MAP3K13: variants seen among roughly 807,000 people sequenced by gnomAD.
The protein encoded by MAP3K13 is mitogen-activated protein kinase kinase kinase 13.
Under a neutral mutation model 104.0 loss-of-function variants are expected in MAP3K13, and 52 were observed. That is an observed-to-expected ratio of 0.50 (90% CI 0.40 to 0.63). The LOEUF is 0.63. Among genes scored for constraint, MAP3K13 ranks in the 20% least tolerant of loss-of-function variants. The pLI, the probability that MAP3K13 is intolerant of heterozygous loss-of-function variation, is 0.00. For synonymous variants in MAP3K13, 394 were observed against 442.2 expected (o/e 0.89, Z 1.37); for missense variants, 914 against 1,218.5 (o/e 0.75, Z 3.72).
intron 2 of MAP3K13, among the ~76,000 whole-genome samples, chr3:185,435,197 A>C (rs1243079244): frequency 2.0e-5 from 3 of 149,294 alleles, no homozygotes; most frequent in African/African-American, 5.0e-5. Flanking sequence ...TTTTTAATAG[A>C]GACGGGGTTT....
intron 7 of MAP3K13, among the ~76,000 whole-genome samples, chr3:185,455,775 TATATATATGAGATATATATATGAG>T (rs1716660017): frequency 9.0e-5 from 6 of 66,572 alleles, no homozygotes; most frequent in South Asian, 4.6e-4. Flanking sequence ...ATATATATGA[TATATATATGAGATATATATATGAG>T]ATATATGAGA....
chr3:185,440,075 T>C (rs1411060595), intron 3 of MAP3K13, among the ~76,000 whole-genome samples: 24 of 152,222 alleles, frequency 1.6e-4, no homozygotes, highest in Admixed American at 1.6e-3. Flanking sequence ...TTGAAGTTAA[T>C]AAAAACCACA....
intron 13 of MAP3K13, chr3:185,481,359 C>G (rs1189692743): frequency 6.6e-6 from 1 of 152,408 alleles, no homozygotes; most frequent in East Asian, 1.9e-4. Flanking sequence ...TTTGATGGTA[C>G]ATGCCTGCAG....
intron 2 of MAP3K13, among the ~76,000 whole-genome samples, chr3:185,346,363 A>G (rs530423751): frequency 6.6e-6 from 1 of 152,342 alleles, no homozygotes; most frequent in Admixed American, 6.5e-5. Flanking sequence ...TGATATATGT[A>G]TGATCTGTAT....
In MAP3K13 at chr3:185,463,645, C is replaced by T. The variant is rs748594916; in HGVS notation, c.1374C>T (p.Arg458=). 3 of 1,610,068 alleles carry T rather than the reference C, an allele frequency of 1.9e-6. No individual in the cohort carries two copies. Among genetic ancestry groups the T allele is most frequent in the South Asian group, 2.2e-5 (2 of 90,862 alleles). Residue 458 remains arginine (R), a synonymous_variant, in exon 8 of 14, where the codon CGC becomes CGT. Transcript: ENST00000265026. ...HRLDEELIRR[R]REELRHALDI... ...TAGATGAAGAACTGATTCGAAGGCG[C>T]AGAGAAGAGCTCAGGTCAGCTCATC...
intron 2 of MAP3K13, among the ~76,000 whole-genome samples, chr3:185,297,667 G>A (rs929121894): frequency 3.3e-5 from 5 of 151,974 alleles, no homozygotes; most frequent in East Asian, 3.9e-4. Flanking sequence ...CCCAGGAGGC[G>A]GAGGTTGCAA....
chr3:185,375,487 G>A (rs1724381061), intron 1 of MAP3K13, among the ~76,000 whole-genome samples: 1 of 152,150 alleles, frequency 6.6e-6, no homozygotes, highest in African/African-American at 2.4e-5. Context: ...ACATGGAAGA[G>A]GTTATGAAAT....
Position 185,427,138 on chromosome 3 carries a change from A to T in MAP3K13, c.-85-1359A>T, listed in dbSNP as rs994149365. On this transcript the variant is annotated intron_variant, in intron 1 of 13. Coordinates refer to ENST00000265026, the MANE Select transcript of MAP3K13 (RefSeq NM_004721.5). ...GAGGCAAAGGCAGGTGGATCACCTGAGGTCAGGAGTTTGAGACCAGTCTGG... is the reference window on the plus strand; with the variant it reads ...GAGGCAAAGGCAGGTGGATCACCTGTGGTCAGGAGTTTGAGACCAGTCTGG... Among the ~76,000 whole-genome samples the T allele has an allele frequency of 4.6e-5, 7 of 151,674 alleles. No homozygotes were observed. The East Asian group carries it at 1.4e-3, about 29-fold the overall frequency.
chr3:185,388,658 G>A (rs79144911), intron 1 of MAP3K13, among the ~76,000 whole-genome samples: 8,147 of 152,150 alleles, frequency 0.054, 366 homozygotes, highest in Non-Finnish European at 0.074. Context: ...TACCAATGAT[G>A]TTCTTCACAG....
At chr3:185,457,151 C>A (rs951536904) in intron 7 of MAP3K13, among the ~76,000 whole-genome samples, 5 of 84,592 alleles carry the variant, frequency 5.9e-5, no homozygotes, top group African/African-American at 1.7e-4. Flanking sequence ...GGGTTCCTCA[C>A]CTGAACCGCT....
chr3:185,315,344 C>T lies in MAP3K13; in HGVS notation c.-86+29701C>T, dbSNP rs1411568855. 6.6e-6 allele frequency among the ~76,000 whole-genome samples: 1 copy of T among 151,946 alleles called. No individual in the cohort carries two copies. Among genetic ancestry groups the T allele is most frequent in the African/African-American group, 2.4e-5 (1 of 41,346 alleles). On this transcript the variant is annotated intron_variant, in intron 2 of 14. Transcript: ENST00000424227. This position sits in a 1 kb window ranked among gnomAD's most constrained non-coding sequence, Gnocchi z 4.3. ...GAACCACCCTAGAGGAGTAACTTAA[C>T]AAAAAGGGGAGAGAATGTATGTGTG...
In MAP3K13 at chr3:185,465,792, G is replaced by A. The variant is rs2148916744; in HGVS notation, c.1434G>A (p.Arg478=). Residue 478 remains arginine, a synonymous_variant, in exon 9 of 14, where the codon CGG becomes CGA. Transcript: ENST00000265026. The part of the protein sequence containing the change: ...IREHYERKLE[R]ANNLYMELSA... ...AACACTATGAGCGGAAGCTTGAGCG[G>A]GCGAATAATTTATACATGGAATTGA... 1.2e-6 allele frequency: 2 copies of A among 1,614,122 alleles called. No homozygotes were observed. Among genetic ancestry groups the A allele is most frequent in the South Asian group, 1.1e-5 (1 of 91,074 alleles).
chr3:185,476,959 G>A, intron 11 of MAP3K13: 1 of 368,740 alleles, frequency 2.7e-6, no homozygotes, highest in Non-Finnish European at 5.3e-6. Context: ...CTATAACAGA[G>A]CCTGGAACCA....
At chr3:185,462,707 AG>A (rs1296295320) in intron 7 of MAP3K13, among the ~76,000 whole-genome samples, 1 of 152,180 alleles carries the variant, frequency 6.6e-6, no homozygotes, top group African/African-American at 2.4e-5. Context: ...CGGGAGACAG[AG>A]GCTGCAGTGA....
intron 2 of MAP3K13, among the ~76,000 whole-genome samples, chr3:185,346,126 C>T (rs147752630): frequency 8.5e-4 from 130 of 152,308 alleles, no homozygotes; most frequent in African/African-American, 3.0e-3. Context: ...CTTATTCCTT[C>T]TAACTGAAAT....
chr3:185,359,820 A>G (rs1026103035), upstream of MAP3K13, among the ~76,000 whole-genome samples: 4 of 152,156 alleles, frequency 2.6e-5, no homozygotes, highest in Admixed American at 2.6e-4. Flanking sequence ...ATTTGAGATC[A>G]CTAAACTCTT....
chr3:185,324,392 A>G (rs1721974842), intron 2 of MAP3K13, among the ~76,000 whole-genome samples: 1 of 152,130 alleles, frequency 6.6e-6, no homozygotes, highest in South Asian at 2.1e-4. Flanking sequence ...CCACTTTTCA[A>G]TTAGGTTGTT....
intron 2 of MAP3K13, among the ~76,000 whole-genome samples, chr3:185,344,388 A>G (rs1722837663): frequency 6.6e-6 from 1 of 152,222 alleles, no homozygotes; most frequent in Non-Finnish European, 1.5e-5. Flanking sequence ...GTGACAAAAG[A>G]ATCTGTTACA....
At chr3:185,474,193 G>C (rs1577622317) in intron 11 of MAP3K13, among the ~76,000 whole-genome samples, 1 of 152,222 alleles carries the variant, frequency 6.6e-6, no homozygotes. Flanking sequence ...AGGTGTGGTA[G>C]CACACACCTG....
Sources: allele counts gnomAD v4.1 joint callset (sites outside exome capture counted in the v4.1 genomes callset), GRCh38; gene constraint gnomAD v4.1.1; non-coding constraint Gnocchi (gnomAD v3.1); transcripts MANE v1.5; gene names NCBI Gene and HGNC (gene_info 2026-07-23, HGNC 2026-07-21).